Variants in ASTN1 observed in about 807,000 individuals in gnomAD.
ASTN1 encodes astrotactin-1.
A neutral mutation model predicts 140.7 loss-of-function variants in ASTN1; 41 were observed. That is an observed-to-expected ratio of 0.29 (90% CI 0.23 to 0.38). ASTN1 has a LOEUF of 0.38. Ranked by LOEUF, ASTN1 falls within the 10% of genes least tolerant of loss-of-function variation. The pLI, the probability that ASTN1 is intolerant of heterozygous loss-of-function variation, is 1.00. For synonymous variants in ASTN1, 640 were observed against 652.2 expected (o/e 0.98, Z 0.29); for missense variants, 1,479 against 1,678.8 (o/e 0.88, Z 2.08).
intron 16 of ASTN1, among the ~76,000 whole-genome samples, chr1:176,915,243 T>A (rs1271375403): frequency 6.6e-6 from 1 of 152,198 alleles, no homozygotes; most frequent in Non-Finnish European, 1.5e-5. Flanking sequence ...ACTGAGGACC[T>A]ACCATGGGCC....
chr1:177,043,114 T>C (rs907910920), intron 2 of ASTN1, among the ~76,000 whole-genome samples: 3 of 152,210 alleles, frequency 2.0e-5, no homozygotes, highest in Non-Finnish European at 4.4e-5. Context: ...CTTGGGTAGA[T>C]GTAAAGTGAA....
At position 177,048,241 on chromosome 1, in the gene ASTN1, T is replaced by C. The variant is rs544232203; in HGVS notation, c.471+12837A>G. ...ATCTCCAGTACCTCGGACGAGCCTC[T>C]CCCTCCTAATGGCAACATGGGACTG... On this transcript the variant is annotated intron_variant, in intron 2 of 22. Transcript: ENST00000361833. Among the ~76,000 whole-genome samples, 8 of 152,238 alleles carry C rather than the reference T, an allele frequency of 5.3e-5. No homozygotes were observed. In the South Asian group the frequency reaches 1.2e-3, roughly 24 times the overall value.
intron 8 of ASTN1, among the ~76,000 whole-genome samples, chr1:177,008,350 C>T (rs1675097552): frequency 1.3e-5 from 2 of 150,478 alleles, no homozygotes; most frequent in South Asian, 2.1e-4. Context: ...TTCATTGACT[C>T]CTAGGGGAAG....
chr1:176,872,324 G>A (rs1668383733), intron 21 of ASTN1, among the ~76,000 whole-genome samples: 1 of 151,784 alleles, frequency 6.6e-6, no homozygotes, highest in Non-Finnish European at 1.5e-5. Context: ...GCACTACGTT[G>A]GACAAAAATC....
At chr1:177,010,269 T>C (rs532191794) in intron 8 of ASTN1, among the ~76,000 whole-genome samples, 12 of 152,318 alleles carry the variant, frequency 7.9e-5, no homozygotes, top group African/African-American at 2.9e-4. Context: ...TCTGTGTCTA[T>C]GCAGCCACAG....
rs1682525377 is a variant in ASTN1, at chr1:177,142,659, T to C, written c.283+21735A>G. 2.0e-5 allele frequency among the ~76,000 whole-genome samples: 3 copies of C among 152,190 alleles called. No individual in the cohort carries two copies. In the South Asian group the frequency reaches 6.2e-4, roughly 32 times the overall value. On this transcript the variant is annotated intron_variant, in intron 1 of 22. Coordinates refer to ENST00000361833, the MANE Select transcript of ASTN1 (RefSeq NM_004319.3). Reference sequence around the variant, plus strand: ...AAAGGAAGAGGATCTTAAAAATCAGTAGACTGAGTCTACTTTCACTAAGAA... The same window carrying C: ...AAAGGAAGAGGATCTTAAAAATCAGCAGACTGAGTCTACTTTCACTAAGAA...
chr1:177,037,118 C>A (rs1481362665), intron 2 of ASTN1, among the ~76,000 whole-genome samples: 3 of 152,096 alleles, frequency 2.0e-5, no homozygotes. Context: ...CTGAGCCCAG[C>A]CAATTTCATT....
At chr1:177,094,372 C>T (rs909666306) in intron 1 of ASTN1, among the ~76,000 whole-genome samples, 7 of 152,194 alleles carry the variant, frequency 4.6e-5, no homozygotes, top group African/African-American at 1.7e-4. Context: ...TGAAGGGAGG[C>T]TGCCTATGCA....
In ASTN1 at chr1:176,936,292, T is replaced by C; in HGVS notation, c.2456A>G (p.Lys819Arg). The change falls in exon 15 of 23, where the codon AAA becomes AGA. Residue 819 changes from lysine (K) to arginine (R), a missense_variant. Around this residue, in one of 3 missense-constraint regions of ASTN1, gnomAD observed 746 missense variants for 800.9 expected, o/e 0.93. Transcript: ENST00000361833. ...CTGAGAGATGGCCACTTGGTTGAGT[T>C]TGATGTGGTACATCACAGACCGGAC... ...WKVRSVMYHIKLNQVAISQAL... is the reference protein window; with the variant it reads ...WKVRSVMYHIRLNQVAISQAL... 1 of 1,614,078 alleles carries C rather than the reference T, an allele frequency of 6.2e-7. No individual in the cohort carries two copies. Among genetic ancestry groups the C allele is most frequent in the African/African-American group, 1.3e-5 (1 of 75,054 alleles).
intron 20 of ASTN1, among the ~76,000 whole-genome samples, chr1:176,881,574 A>G (rs1668801479): frequency 6.6e-6 from 1 of 151,744 alleles, no homozygotes; most frequent in Admixed American, 6.6e-5. Flanking sequence ...TGTTCCTTTC[A>G]CCTGCTCCCC....
In ASTN1 at chr1:177,072,607, T is replaced by C. The variant is rs112247824; in HGVS notation, c.284-11342A>G. On this transcript the variant is annotated intron_variant, in intron 1 of 22. Transcript: ENST00000361833. ...GTTGCTCAGCTGAGAATAACATACATTGACAGAACAGTTTCTTTATTATTG... is the reference window on the plus strand; with the variant it reads ...GTTGCTCAGCTGAGAATAACATACACTGACAGAACAGTTTCTTTATTATTG... Among the ~76,000 whole-genome samples the C allele has an allele frequency of 3.3e-3, 499 of 152,310 alleles. 5 individuals carry two copies. Among genetic ancestry groups the C allele is most frequent in the African/African-American group, 0.011 (472 of 41,576 alleles).
intron 8 of ASTN1, among the ~76,000 whole-genome samples, chr1:177,005,998 T>C (rs1674976628): frequency 6.6e-6 from 1 of 152,216 alleles, no homozygotes; most frequent in Non-Finnish European, 1.5e-5. Flanking sequence ...TGGTGTTGAA[T>C]GTGCAGGATG....
intron 14 of ASTN1, among the ~76,000 whole-genome samples, chr1:176,942,836 GTATATA>G (rs71129590): frequency 2.0e-5 from 1 of 50,292 alleles, no homozygotes. Context: ...ATATATATAT[GTATATA>G]TATATATATA....
intron 2 of ASTN1, among the ~76,000 whole-genome samples, chr1:177,035,249 T>C (rs534287242): frequency 6.6e-6 from 1 of 152,296 alleles, no homozygotes; most frequent in African/African-American, 2.4e-5. Flanking sequence ...CAGCCTATAT[T>C]CTTAAGCACT....
At chr1:177,004,110 T>C (rs887312633) in intron 8 of ASTN1, among the ~76,000 whole-genome samples, 4 of 152,262 alleles carry the variant, frequency 2.6e-5, no homozygotes, top group African/African-American at 9.6e-5. Flanking sequence ...CTAGATTTGA[T>C]AAACGAATTC....
chr1:177,046,193 G>A (rs150524737), intron 2 of ASTN1, among the ~76,000 whole-genome samples: 120 of 152,226 alleles, frequency 7.9e-4, no homozygotes, highest in African/African-American at 2.7e-3. Flanking sequence ...AAGGCTCAGT[G>A]TTCCCCTGGC....
chr1:177,036,222 G>C (rs1182286853), intron 2 of ASTN1, among the ~76,000 whole-genome samples: 1 of 151,490 alleles, frequency 6.6e-6, no homozygotes, highest in Non-Finnish European at 1.5e-5. Flanking sequence ...GGCTAATTTT[G>C]TATTTTTAGT....
At chr1:176,893,030 G>A (rs2103036994) in intron 17 of ASTN1, among the ~76,000 whole-genome samples, 1 of 152,300 alleles carries the variant, frequency 6.6e-6, no homozygotes, top group Middle Eastern at 3.4e-3. Flanking sequence ...GGCTGGGGTA[G>A]GGCCAAGTAG....
At chr1:176,926,647 T>A (rs554896110) in intron 16 of ASTN1, among the ~76,000 whole-genome samples, 35 of 152,306 alleles carry the variant, frequency 2.3e-4, no homozygotes, top group Non-Finnish European at 4.7e-4. Context: ...TTAGAGAAAA[T>A]AACTGTATGC....
Sources: gnomAD v4.1 joint callset for allele counts (sites outside exome capture counted in the v4.1 genomes callset) on GRCh38, gnomAD v4.1.1 for gene constraint, gnomAD v4.1.1 regional missense constraint, MANE v1.5 for transcripts, NCBI Gene and HGNC (gene_info 2026-07-23, HGNC 2026-07-21) for gene names.